The following MINDY4 variants were observed in gnomAD, a reference collection of about 807,000 sequenced individuals.
The protein encoded by MINDY4 is MINDY lysine 48 deubiquitinase 4.
A neutral mutation model predicts 87.0 loss-of-function variants in MINDY4; 68 were observed. The observed-to-expected ratio is 0.78, with a 90% CI of 0.64 to 0.96. The LOEUF (loss-of-function observed/expected upper bound fraction) is 0.96, where lower values mean the gene tolerates loss of function less well. Among genes scored for constraint, MINDY4 ranks in the 40% least tolerant of loss-of-function variants. MINDY4 has a pLI of 0.00. For missense variants in MINDY4, 919 were observed against 928.2 expected (o/e 0.99, Z 0.13); for synonymous variants, 379 against 363.2 (o/e 1.04, Z -0.50).
At chr7:30,886,781 C>T (rs1479766244) in intron 17 of MINDY4, among the ~76,000 whole-genome samples, 1 of 152,224 alleles carries the variant, frequency 6.6e-6, no homozygotes, top group African/African-American at 2.4e-5. Flanking sequence ...ACGCAAACCT[C>T]GGCCTGAGAG....
intron 5 of MINDY4, among the ~76,000 whole-genome samples, chr7:30,810,798 G>A (rs1045727440): frequency 1.3e-5 from 2 of 151,998 alleles, no homozygotes; most frequent in African/African-American, 4.8e-5. Context: ...CATATAAGAA[G>A]CATTACTAAA....
At chr7:30,784,837 C>T (rs762172699) in intron 3 of MINDY4, among the ~76,000 whole-genome samples, 4 of 152,194 alleles carry the variant, frequency 2.6e-5, no homozygotes, top group African/African-American at 7.2e-5. Flanking sequence ...ACAGCACACA[C>T]GACTGCCCCT....
At chr7:30,834,202 C>T (rs553870548) in intron 6 of MINDY4, among the ~76,000 whole-genome samples, 1 of 152,384 alleles carries the variant, frequency 6.6e-6, no homozygotes, top group Admixed American at 6.5e-5. Flanking sequence ...GGCCCCGCCC[C>T]TGTAGCAAAC....
At chr7:30,853,741 G>A (rs1034577280) in intron 12 of MINDY4, among the ~76,000 whole-genome samples, 24 of 152,224 alleles carry the variant, frequency 1.6e-4, no homozygotes, top group African/African-American at 5.8e-4. Context: ...GACGGGTGGG[G>A]TCAGGACACA....
At chr7:30,891,026 A>G (rs1039447835) in intron 17 of MINDY4, among the ~76,000 whole-genome samples, 1 of 152,220 alleles carries the variant, frequency 6.6e-6, no homozygotes, top group African/African-American at 2.4e-5. Context: ...AGAATTGAAG[A>G]AAATCTTCAG....
intron 17 of MINDY4, among the ~76,000 whole-genome samples, chr7:30,886,912 G>A (rs935071643): frequency 2.0e-5 from 3 of 152,044 alleles, no homozygotes; most frequent in Non-Finnish European, 4.4e-5. Context: ...ATTTCCAAAC[G>A]AGACACACAC....
At chr7:30,882,146 G>C in intron 15 of MINDY4, 35 bp from the exon 16 acceptor site, 1 of 1,565,422 alleles carries the variant, frequency 6.4e-7, no homozygotes, top group South Asian at 1.2e-5. Context: ...TTTCCCTGGG[G>C]ACGGCATTTC....
At position 30,790,913 on chromosome 7, in the gene MINDY4, A is replaced by T. The variant is rs1028356216; in HGVS notation, c.664-252A>T. ...CCTGCTGCATGAACCTGCTCTCTGT[A>T]AGGGCTGCGAGAGAAAGGCCCAGGC... On this transcript the variant is annotated intron_variant, in intron 4 of 17. Transcript: ENST00000265299. 2.0e-5 allele frequency among the ~76,000 whole-genome samples: 3 copies of T among 152,296 alleles called. No individual in the cohort carries two copies. In the South Asian group the frequency reaches 6.2e-4, roughly 32 times the overall value.
intron 6 of MINDY4, among the ~76,000 whole-genome samples, chr7:30,832,467 T>C (rs1180090558): frequency 2.0e-5 from 3 of 152,206 alleles, no homozygotes; most frequent in East Asian, 3.9e-4. Context: ...TGTTGGTCTT[T>C]GCAAAGCCTG....
chr7:30,857,241 C>G (rs982754058), intron 12 of MINDY4, among the ~76,000 whole-genome samples: 1 of 152,166 alleles, frequency 6.6e-6, no homozygotes, highest in African/African-American at 2.4e-5. Context: ...TGATTCCTTA[C>G]TGTCCCTTAG....
chr7:30,778,261 T>A (rs1337820874), intron 1 of MINDY4, among the ~76,000 whole-genome samples, 171 bp from the exon 2 acceptor site: 1 of 152,224 alleles, frequency 6.6e-6, no homozygotes, highest in Admixed American at 6.5e-5. Context: ...ACTTAGCCCA[T>A]GGGGCTGTTG....
At chr7:30,801,145 G>A (rs1167474633) in intron 5 of MINDY4, among the ~76,000 whole-genome samples, 1 of 152,160 alleles carries the variant, frequency 6.6e-6, no homozygotes, top group Non-Finnish European at 1.5e-5. Flanking sequence ...TGCCAGCCGG[G>A]ACTTGGAGGA....
At chr7:30,864,645 G>A (rs183126978) in intron 13 of MINDY4, among the ~76,000 whole-genome samples, 13 of 152,354 alleles carry the variant, frequency 8.5e-5, no homozygotes, top group South Asian at 2.1e-4. Context: ...TGTGATTGCC[G>A]TGGCCAGGCC....
At chr7:30,805,387 A>G (rs1787773162) in intron 5 of MINDY4, among the ~76,000 whole-genome samples, 1 of 152,206 alleles carries the variant, frequency 6.6e-6, no homozygotes, top group African/African-American at 2.4e-5. Flanking sequence ...TTTTGTTTCC[A>G]CAGTCAAGAG....
At position 30,778,413 on chromosome 7, in the gene MINDY4, T is replaced by A; in HGVS notation, c.64-19T>A. On this transcript the variant is annotated intron_variant, in intron 1 of 17. Coordinates refer to ENST00000265299, the MANE Select transcript of MINDY4 (RefSeq NM_032222.3). ...TTTGATTTAAGATGGTAAACAGCGA[T>A]TCAGCTTTCTTCCCTCAGGGCTTAA... is the stretch of plus-strand genomic sequence containing the variant. 2 of 1,614,222 alleles carry A rather than the reference T, an allele frequency of 1.2e-6. No individual in the cohort carries two copies. Among genetic ancestry groups the A allele is most frequent in the Non-Finnish European group, 1.7e-6 (2 of 1,180,032 alleles).
intron 9 of MINDY4, among the ~76,000 whole-genome samples, chr7:30,843,613 C>G (rs998415493): frequency 2.2e-5 from 3 of 138,190 alleles, no homozygotes; most frequent in African/African-American, 8.8e-5. Context: ...CAGGCCACAT[C>G]CATGGGGTGG....
intron 6 of MINDY4, among the ~76,000 whole-genome samples, chr7:30,833,678 T>C (rs1428632042): frequency 6.6e-6 from 1 of 152,222 alleles, no homozygotes; most frequent in Admixed American, 6.5e-5. Context: ...AAAGTCTCAT[T>C]TGAGACAAGG....
At position 30,791,302 on chromosome 7, in the gene MINDY4, C is replaced by T. The variant is rs202164342; in HGVS notation, c.801C>T (p.Pro267=). 1,440 of 1,614,208 alleles carry T rather than the reference C, an allele frequency of 8.9e-4. 4 individuals carry two copies. Among genetic ancestry groups the T allele is most frequent in the Middle Eastern group, 4.3e-3 (26 of 6,062 alleles). Reference sequence around the variant, plus strand: ...TTCTGGCTTCGAGCAACAGCTCCCCCTCCAGGACCTCCCTGGGTCAGCTTA... The same window carrying T: ...TTCTGGCTTCGAGCAACAGCTCCCCTTCCAGGACCTCCCTGGGTCAGCTTA... ...QDILASSNSS[P]SRTSLGQLSE... Residue 267 remains proline (P), a synonymous_variant, in exon 5 of 18, where the codon CCC becomes CCT. Coordinates refer to ENST00000265299, the MANE Select transcript of MINDY4 (RefSeq NM_032222.3).
At chr7:30,817,698 C>A (rs910176707) in intron 5 of MINDY4, among the ~76,000 whole-genome samples, 2 of 152,164 alleles carry the variant, frequency 1.3e-5, no homozygotes, top group Admixed American at 6.5e-5. Flanking sequence ...TCAAAGACAA[C>A]TCCGGCAAAA....
Sources: gnomAD v4.1 joint callset for allele counts (sites outside exome capture counted in the v4.1 genomes callset) on GRCh38, gnomAD v4.1.1 for gene constraint, MANE v1.5 for transcripts, NCBI Gene and HGNC (gene_info 2026-07-23, HGNC 2026-07-21) for gene names.